Variants in DHRSX observed in about 807,000 individuals in gnomAD.
DHRSX encodes the protein polyprenol dehydrogenase.
In DHRSX, 31 loss-of-function variants were observed where a neutral mutation model predicts 34.0. That is an observed-to-expected ratio of 0.91 (90% CI 0.69 to 1.23). The LOEUF is 1.23. DHRSX is among the 50% of genes most tolerant of loss of function. The pLI, the probability that DHRSX is intolerant of heterozygous loss-of-function variation, is 0.00. For missense variants in DHRSX, 414 were observed against 428.1 expected (o/e 0.97, Z 0.29); for synonymous variants, 201 against 183.8 (o/e 1.09, Z -0.76).
intron 5 of DHRSX, among the ~76,000 whole-genome samples, chrX:2,248,714 C>G (rs777590670): frequency 1.3e-5 from 2 of 152,082 alleles, no homozygotes; most frequent in Admixed American, 1.3e-4. Flanking sequence ...TCTACGACCC[C>G]CTTCCCAGAG....
intron 4 of DHRSX, among the ~76,000 whole-genome samples, chrX:2,275,850 T>TA (rs1194507689): frequency 6.6e-6 from 1 of 151,846 alleles, no homozygotes; most frequent in Non-Finnish European, 1.5e-5. Flanking sequence ...AATTTTAATT[T>TA]AATTTTATTT....
intron 1 of DHRSX, among the ~76,000 whole-genome samples, chrX:2,463,608 T>C (rs112702470): frequency 0.18 from 27,820 of 152,056 alleles, 3,680 homozygotes; most frequent in African/African-American, 0.38. Context: ...AGACCATTTC[T>C]TGGTATCAAG....
intron 3 of DHRSX, among the ~76,000 whole-genome samples, chrX:2,388,568 A>G (rs184918727): frequency 0.017 from 2,657 of 151,890 alleles, 44 homozygotes; most frequent in South Asian, 0.069. Flanking sequence ...AGCCTCCAGT[A>G]CTGTGGGAGA....
chrX:2,427,578 C>A (rs766937623), intron 1 of DHRSX, among the ~76,000 whole-genome samples: 15 of 152,194 alleles, frequency 9.9e-5, no homozygotes, highest in African/African-American at 3.4e-4. Context: ...AGTCAGACTT[C>A]TCGCGTTCAA....
chrX:2,247,857 C>A (rs778564436), intron 5 of DHRSX, among the ~76,000 whole-genome samples: 1 of 152,190 alleles, frequency 6.6e-6, no homozygotes, highest in South Asian at 2.1e-4. Flanking sequence ...AGACCCATTT[C>A]GCCCCAAGGG....
At chrX:2,375,320 T>C (rs2043127475) in intron 3 of DHRSX, among the ~76,000 whole-genome samples, 1 of 138,014 alleles carries the variant, frequency 7.2e-6, no homozygotes, top group South Asian at 2.3e-4. Flanking sequence ...AGTGAAAGTA[T>C]GGTATGCACA....
intron 3 of DHRSX, among the ~76,000 whole-genome samples, chrX:2,315,531 A>G (rs1187840842): frequency 6.6e-6 from 1 of 152,158 alleles, no homozygotes; most frequent in African/African-American, 2.4e-5. Flanking sequence ...GCTTGAACCT[A>G]GCGAATATAG....
At chrX:2,406,162 A>G (rs2043552398) in intron 3 of DHRSX, among the ~76,000 whole-genome samples, 1 of 151,620 alleles carries the variant, frequency 6.6e-6, no homozygotes, top group Non-Finnish European at 1.5e-5. Context: ...CATGGTCGCC[A>G]ATGCCTGTAA....
intron 1 of DHRSX, chrX:2,489,025 A>T: frequency 1.9e-6 from 3 of 1,613,128 alleles, no homozygotes; most frequent in Non-Finnish European, 2.5e-6. Flanking sequence ...CCACCTGGGC[A>T]TGCCACTCTT....
At chrX:2,400,311 A>C (rs1239221258) in intron 3 of DHRSX, among the ~76,000 whole-genome samples, 1 of 152,132 alleles carries the variant, frequency 6.6e-6, no homozygotes, top group Non-Finnish European at 1.5e-5. Context: ...CCTTTTTCCA[A>C]GTTTCGCAAC....
intron 6 of DHRSX, among the ~76,000 whole-genome samples, chrX:2,231,641 TTC>T (rs371999030): frequency 0.015 from 2,298 of 149,800 alleles, 63 homozygotes; most frequent in African/African-American, 0.055. Context: ...TCCCTTTCTC[TTC>T]TCTCTCTGCC....
intron 1 of DHRSX, among the ~76,000 whole-genome samples, chrX:2,467,129 T>A (rs763262417): frequency 8.6e-5 from 13 of 151,212 alleles, no homozygotes; most frequent in African/African-American, 2.7e-4. Flanking sequence ...TTTATTGAAA[T>A]TTTTTAAGCC....
At chrX:2,351,005 T>A (rs1055573233) in intron 3 of DHRSX, among the ~76,000 whole-genome samples, 2 of 152,114 alleles carry the variant, frequency 1.3e-5, no homozygotes, top group African/African-American at 4.8e-5. Flanking sequence ...CTGCCTGTTT[T>A]CACTCATAAG....
chrX:2,318,192 GAAAAA>G (rs559205251), intron 3 of DHRSX, among the ~76,000 whole-genome samples: 1 of 108,644 alleles, frequency 9.2e-6, no homozygotes, highest in African/African-American at 3.7e-5. Context: ...CAAAAATACA[GAAAAA>G]AAAAAAAAAA....
chrX:2,492,961 G>A (rs892390196), intron 1 of DHRSX, among the ~76,000 whole-genome samples: 9 of 152,250 alleles, frequency 5.9e-5, no homozygotes, highest in African/African-American at 1.9e-4. Flanking sequence ...ACGGGCAGTC[G>A]CGGCCTGCGT....
intron 4 of DHRSX, among the ~76,000 whole-genome samples, chrX:2,269,316 TG>T (rs1261377174): frequency 6.6e-6 from 1 of 152,238 alleles, no homozygotes; most frequent in Non-Finnish European, 1.5e-5. Context: ...TATTTGTACA[TG>T]TATACATGCA....
intron 2 of DHRSX, among the ~76,000 whole-genome samples, chrX:2,410,014 A>G (rs1367024693): frequency 6.6e-6 from 1 of 152,142 alleles, no homozygotes; most frequent in Non-Finnish European, 1.5e-5. Flanking sequence ...GACAGGTATG[A>G]GCCACCACAC....
At chrX:2,298,407 A>C (rs1474399613) in intron 3 of DHRSX, among the ~76,000 whole-genome samples, 2 of 151,352 alleles carry the variant, frequency 1.3e-5, no homozygotes, top group South Asian at 2.1e-4. Flanking sequence ...AAAAAAAAAA[A>C]ACAATTTTCA....
At chrX:2,286,470 A>G (rs1197092597) in intron 4 of DHRSX, among the ~76,000 whole-genome samples, 1 of 152,136 alleles carries the variant, frequency 6.6e-6, no homozygotes, top group Non-Finnish European at 1.5e-5. Context: ...GCAGCTTTCC[A>G]TCCACCCTGG....
Sources: allele counts gnomAD v4.1 joint callset (sites outside exome capture counted in the v4.1 genomes callset), GRCh38; gene constraint gnomAD v4.1.1; transcripts MANE v1.5; gene names NCBI Gene and HGNC (gene_info 2026-07-23, HGNC 2026-07-21).